POLR2E: variants seen among roughly 807,000 people sequenced by gnomAD.
The protein encoded by POLR2E is RNA polymerase II, I and III subunit E.
In POLR2E, 35 loss-of-function variants were observed where a neutral mutation model predicts 29.8. The ratio of observed to expected loss-of-function variants is 1.17; its 90% CI spans 0.90 to 1.55. The LOEUF is 1.55. Among genes scored for constraint, POLR2E ranks in the 40% most tolerant of loss-of-function variants. POLR2E has a pLI of 0.00. For missense variants in POLR2E, 287 were observed against 288.6 expected, an observed-to-expected ratio of 0.99 and a Z score of 0.04; for synonymous variants, 174 against 112.6, an observed-to-expected ratio of 1.55 and a Z score of -3.45.
chr19:1,095,022 GCCCA>G, intron 1 of POLR2E: 1 of 280,940 alleles, frequency 3.6e-6, no homozygotes, highest in Non-Finnish European at 6.7e-6. Context: ...AGCCCAAGCC[GCCCA>G]CCCACCCCTA....
chr19:1,093,209 CAAAA>C (rs915229168), intron 2 of POLR2E, among the ~76,000 whole-genome samples: 3 of 151,890 alleles, frequency 2.0e-5, no homozygotes, highest in South Asian at 2.1e-4. Flanking sequence ...AAAAAAAAAA[CAAAA>C]AAACCCAGCA....
chr19:1,093,270 T>G (rs2043875729), intron 2 of POLR2E, among the ~76,000 whole-genome samples: 2 of 152,106 alleles, frequency 1.3e-5, no homozygotes, highest in African/African-American at 4.8e-5. Flanking sequence ...CCCCACTGAT[T>G]AATTCTGGGC....
At chr19:1,094,805 C>G (rs1259514643) in intron 1 of POLR2E, 1 of 184,314 alleles carries the variant, frequency 5.4e-6, no homozygotes, top group Non-Finnish European at 1.1e-5. Context: ...GGCACGGGTT[C>G]CGAGCTCCAC....
Position 1,094,091 on chromosome 19 carries a change from A to C in POLR2E, c.58-13T>G, listed in dbSNP as rs1481621978. The C allele has an allele frequency of 1.2e-6, 2 of 1,601,656 alleles. No individual in the cohort carries two copies. Among genetic ancestry groups the C allele is most frequent in the Admixed American group, 1.7e-5 (1 of 57,568 alleles). On this transcript the variant is annotated splice_polypyrimidine_tract_variant and intron_variant, in intron 1 of 7. Transcript: ENST00000615234. Reference sequence around the variant, plus strand: ...GGTCGTGGCACAGCTGCAGAGAGAAAGAACCAGCTGACCCCAGGGCAGAGA... The same window carrying C: ...GGTCGTGGCACAGCTGCAGAGAGAACGAACCAGCTGACCCCAGGGCAGAGA...
chr19:1,094,405 C>T (rs1443086456), intron 1 of POLR2E: 4 of 308,330 alleles, frequency 1.3e-5, no homozygotes, highest in Admixed American at 1.0e-4. Context: ...AAAGGCGGGG[C>T]GCGGAGGCTC....
chr19:1,089,224 C>T (rs899110766), intron 7 of POLR2E, among the ~76,000 whole-genome samples: 6 of 152,210 alleles, frequency 3.9e-5, no homozygotes, highest in Admixed American at 6.5e-5. Flanking sequence ...GGTGGGTCAG[C>T]GGCGGAGAGA....
chr19:1,091,014 G>A (rs748981309), intron 3 of POLR2E, 26 bp from the exon 4 acceptor site: 8 of 1,601,392 alleles, frequency 5.0e-6, no homozygotes, highest in Admixed American at 3.4e-5. Flanking sequence ...TCTAAGGCAC[G>A]GCCCGGAGGG....
At chr19:1,092,001 C>T in intron 2 of POLR2E, 94 bp from the exon 3 acceptor site, 2 of 839,746 alleles carry the variant, frequency 2.4e-6, no homozygotes, top group Non-Finnish European at 4.0e-6. Flanking sequence ...AGCCCCATTC[C>T]ACACAGGTGT....
chr19:1,093,576 T>C (rs531001136), intron 2 of POLR2E, among the ~76,000 whole-genome samples: 1 of 149,082 alleles, frequency 6.7e-6, no homozygotes, highest in Non-Finnish European at 1.5e-5. Flanking sequence ...AAGCTGGAAG[T>C]GCACCCAACG....
chr19:1,091,843 G>A lies in POLR2E; in HGVS notation c.297C>T (p.Ile99=), dbSNP rs11541895. Residue 99 remains isoleucine, a synonymous_variant, in exon 3 of 8, where the codon ATC becomes ATT. Transcript: ENST00000615234. ...GCTGCACCACGATGAGAGCCCGTGT[G>A]ATGTTCTCCTCCTGCATGCGCTGGC... The part of the protein sequence containing the change: ...VYCQRMQEEN[I]TRALIVVQQG... 3.2e-4 allele frequency: 515 copies of A among 1,613,074 alleles called. 5 individuals are homozygous for A. The highest frequency in any genetic ancestry group is 5.3e-5 in the Non-Finnish European group (63 of 1,179,834).
At chr19:1,089,654 C>G in intron 6 of POLR2E, 103 bp from the exon 7 acceptor site, 1 of 1,015,208 alleles carries the variant, frequency 9.9e-7, no homozygotes, top group South Asian at 1.3e-5. Context: ...CGGCAGGGGT[C>G]CGAGATGGCT....
Position 1,089,476 on chromosome 19 carries a change from C to T in POLR2E, c.*10G>A, listed in dbSNP as rs375179634. The T allele has an allele frequency of 6.2e-7, 1 of 1,611,246 alleles. No individual in the cohort carries two copies. Among genetic ancestry groups the T allele is most frequent in the Non-Finnish European group, 8.5e-7 (1 of 1,177,782 alleles). ...CCTGTCCCTCGGCCGTCTCACCTGTCAGGCGGTAGCTACTGCACCAGCCGG... is the reference window on the plus strand; with the variant it reads ...CCTGTCCCTCGGCCGTCTCACCTGTTAGGCGGTAGCTACTGCACCAGCCGG... On this transcript the variant is annotated 3_prime_UTR_variant, in exon 7 of 8. Coordinates refer to ENST00000615234, the MANE Select transcript of POLR2E (RefSeq NM_002695.5).
At chr19:1,090,817 C>T in intron 4 of POLR2E, 91 bp downstream of exon 4, 2 of 1,140,712 alleles carry the variant, frequency 1.8e-6, no homozygotes, top group South Asian at 1.4e-5. Context: ...AACACCTGCC[C>T]TGGGCCCCAG....
chr19:1,095,096 T>G, intron 1 of POLR2E, 163 bp downstream of exon 1: 1 of 662,832 alleles, frequency 1.5e-6, no homozygotes, highest in Admixed American at 2.9e-5. Context: ...TCAGGTCGGG[T>G]CCAGCGCCTG....
At chr19:1,095,168 C>G (rs560143528) in intron 1 of POLR2E, 91 bp downstream of exon 1, 1 of 1,342,350 alleles carries the variant, frequency 7.4e-7, no homozygotes, top group Non-Finnish European at 1.1e-6. Flanking sequence ...GCTGCTCCGA[C>G]GAGAGTACGA....
Position 1,089,500 on chromosome 19 carries a change from G to A in POLR2E, c.619C>T (p.Arg207Trp), listed in dbSNP as rs372881876. The A allele has an allele frequency of 1.1e-5, 17 of 1,613,374 alleles. No individual in the cohort carries two copies. The highest frequency in any genetic ancestry group is 8.0e-5 in the African/African-American group (6 of 74,920). ...TCAGGCGGTAGCTACTGCACCAGCCGGTAGGTGATGTACCTGCCAGCCGTC... is the reference window on the plus strand; with the variant it reads ...TCAGGCGGTAGCTACTGCACCAGCCAGTAGGTGATGTACCTGCCAGCCGTC... ...SETAGRYITY[R>W]LVQ The change falls in exon 7 of 8, where the codon CGG becomes TGG. Residue 207 changes from arginine to tryptophan, a missense_variant. Arg to Trp is a moderately radical substitution (Grantham distance 101, BLOSUM62 -3). Transcript: ENST00000615234.
intron 5 of POLR2E, 29 bp downstream of exon 5, chr19:1,090,058 G>A (rs2145135095): frequency 6.2e-7 from 1 of 1,602,226 alleles, no homozygotes; most frequent in East Asian, 2.2e-5. Context: ...GACAGGGAGG[G>A]GCGGGGCCGG....
Position 1,087,679 on chromosome 19 carries a change from T to G in POLR2E, c.*1056A>C, listed in dbSNP as rs1439356717. On this transcript the variant is annotated 3_prime_UTR_variant, in exon 8 of 8. Coordinates refer to ENST00000615234, the MANE Select transcript of POLR2E (RefSeq NM_002695.5). ...TTGGCCAAGACAATTTTGAAAAAAG[T>G]ACATTTGGAGAGAAGGGGAAGCACT... 1 of 147,404 alleles carries G rather than the reference T, an allele frequency of 6.8e-6. No individual in the cohort carries two copies. Among genetic ancestry groups the G allele is most frequent in the African/African-American group, 2.4e-5 (1 of 41,096 alleles). The allele number at this position is 147,404 out of a possible 1,614,324, so 9.1% of individuals were successfully genotyped here. A position where few individuals can be genotyped will look rare whatever the true frequency, so the allele number is the denominator to read the frequency against.
At chr19:1,093,595 G>C (rs1050348537) in intron 2 of POLR2E, 6 of 415,060 alleles carry the variant, frequency 1.4e-5, no homozygotes, top group African/African-American at 6.3e-5. Flanking sequence ...CGGCCAGGAT[G>C]GGGGAGCCAA....
Sources: gnomAD v4.1 joint callset for allele counts (sites outside exome capture counted in the v4.1 genomes callset) on GRCh38, gnomAD v4.1.1 for gene constraint, MANE v1.5 for transcripts, NCBI Gene and HGNC (gene_info 2026-07-23, HGNC 2026-07-21) for gene names.